The following MARK1 variants were observed in gnomAD, a reference collection of about 807,000 sequenced individuals.
The protein encoded by MARK1 is microtubule affinity regulating kinase 1.
In MARK1, 40 loss-of-function variants were observed where a neutral mutation model predicts 96.3. That is an observed-to-expected ratio of 0.42 (90% CI 0.32 to 0.54). MARK1 has a LOEUF of 0.54. Ranked by LOEUF, MARK1 falls within the 20% of genes least tolerant of loss-of-function variation. MARK1 has a pLI of 0.16. For missense variants in MARK1, 719 were observed against 984.6 expected (o/e 0.73, Z 3.61); for synonymous variants, 317 against 341.2 (o/e 0.93, Z 0.78).
intron 6 of MARK1, among the ~76,000 whole-genome samples, chr1:220,615,537 T>C (rs190970006): frequency 6.6e-6 from 1 of 152,312 alleles, no homozygotes; most frequent in Non-Finnish European, 1.5e-5. Context: ...AATAGAGTTT[T>C]GCTTTTTTAA....
chr1:220,547,419 T>C (rs1661576472), intron 1 of MARK1, among the ~76,000 whole-genome samples: 2 of 152,256 alleles, frequency 1.3e-5, no homozygotes, highest in Non-Finnish European at 2.9e-5. Flanking sequence ...CCTTCTACCT[T>C]CCTCTCCAGG....
rs553644285 is a variant in MARK1, at chr1:220,560,978, A to G, written c.52-18376A>G. Among the ~76,000 whole-genome samples, 105 of 152,216 alleles carry G rather than the reference A, an allele frequency of 6.9e-4. 1 individual carries two copies. The highest frequency in any genetic ancestry group is 1.0e-3 in the Non-Finnish European group (70 of 67,998). On this transcript the variant is annotated intron_variant, in intron 1 of 17. Coordinates refer to ENST00000366917, the MANE Select transcript of MARK1 (RefSeq NM_018650.5). ...GTTGAGCTTTCAGGTGCAGATGTAG[A>G]GTAGGGAGTGGTTGGGTTTTGGAAT... is the stretch of plus-strand genomic sequence containing the variant.
At chr1:220,648,222 C>T (rs556454157) in intron 13 of MARK1, among the ~76,000 whole-genome samples, 2 of 152,034 alleles carry the variant, frequency 1.3e-5, no homozygotes, top group Admixed American at 1.3e-4. Context: ...GAAAGAACCC[C>T]CAAAAAGTTG....
chr1:220,528,758 C>G lies in MARK1; in HGVS notation c.-65C>G. On this transcript the variant is annotated 5_prime_UTR_variant, in exon 1 of 18. Transcript: ENST00000366917. ...TCGCGTCCGCACCCCTTTCCTGTCG[C>G]CCCCCGGGGCCCGCACCACAGCCCG... 1 of 1,475,600 alleles carries G rather than the reference C, an allele frequency of 6.8e-7. No homozygotes were observed. Among genetic ancestry groups the G allele is most frequent in the Non-Finnish European group, 9.2e-7 (1 of 1,090,052 alleles). 91.4% of individuals were successfully genotyped at this position (1,475,600 alleles called of 1,614,324 possible).
intron 6 of MARK1, among the ~76,000 whole-genome samples, chr1:220,613,002 C>G (rs193113144): frequency 6.6e-6 from 1 of 152,066 alleles, no homozygotes. Context: ...GCAAAGTAAC[C>G]GTGATAACTC....
At chr1:220,595,682 A>G (rs151158977) in intron 3 of MARK1, among the ~76,000 whole-genome samples, 1 of 152,316 alleles carries the variant, frequency 6.6e-6, no homozygotes, top group African/African-American at 2.4e-5. Flanking sequence ...CCACCAGTGG[A>G]TGTTAAGTAG....
At chr1:220,569,136 A>G (rs1022384893) in intron 1 of MARK1, among the ~76,000 whole-genome samples, 2 of 152,120 alleles carry the variant, frequency 1.3e-5, no homozygotes, top group East Asian at 1.9e-4. Context: ...TTTATATTTC[A>G]CTTATGATTT....
chr1:220,617,115 C>T (rs536673082), intron 7 of MARK1, among the ~76,000 whole-genome samples: 1 of 152,134 alleles, frequency 6.6e-6, no homozygotes, highest in East Asian at 1.9e-4. Flanking sequence ...CAGCCCCTTA[C>T]ATCAGAACAT....
Position 220,657,794 on chromosome 1 carries a change from C to T in MARK1, c.1993C>T (p.Pro665Ser). 6.3e-7 allele frequency: 1 copy of T among 1,576,932 alleles called. No individual in the cohort carries two copies. The highest frequency in any genetic ancestry group is 1.9e-5 in the Admixed American group (1 of 51,950). ...CAACCTTCACTTTGTTTTGAGGGAT[C>T]CAAGTGAAGGCGAAGCCAGTGGCAG... ...KITSKFVRRD[P>S]SEGEASGRTD... Residue 665 changes from proline to serine, a missense_variant, in exon 17 of 18, where the codon CCA becomes TCA. Physicochemically the swap from Pro to Ser is moderately conservative, Grantham distance 74. Transcript: ENST00000366917.
intron 1 of MARK1, among the ~76,000 whole-genome samples, chr1:220,529,893 C>CTCT (rs902156391): frequency 3.9e-5 from 6 of 152,120 alleles, no homozygotes; most frequent in Non-Finnish European, 8.8e-5. Flanking sequence ...TTTTAAGGAC[C>CTCT]TAGAGGGGTA....
chr1:220,553,354 A>G (rs1662009382), intron 1 of MARK1, among the ~76,000 whole-genome samples: 3 of 152,158 alleles, frequency 2.0e-5, no homozygotes, highest in Admixed American at 6.5e-5. Context: ...TGCTCCATCT[A>G]CTTATGGGTG....
chr1:220,655,999 C>G (rs974155653), intron 16 of MARK1, among the ~76,000 whole-genome samples: 1 of 152,196 alleles, frequency 6.6e-6, no homozygotes. Context: ...ATTCTCTGCC[C>G]TGAATACCTG....
intron 9 of MARK1, among the ~76,000 whole-genome samples, chr1:220,621,621 G>A (rs1193030): frequency 0.98 from 149,129 of 152,148 alleles, 73,157 homozygotes; most frequent in East Asian, 1. Flanking sequence ...AATAAGCCTC[G>A]TAGATTTGTA....
chr1:220,530,123 A>G (rs574629582), intron 1 of MARK1, among the ~76,000 whole-genome samples: 26 of 152,366 alleles, frequency 1.7e-4, no homozygotes, highest in African/African-American at 6.0e-4. Flanking sequence ...ACAGAAATTT[A>G]ATATAACTAT....
At chr1:220,612,399 ATCATCT>A (rs1666501739) in intron 6 of MARK1, among the ~76,000 whole-genome samples, 1 of 152,212 alleles carries the variant, frequency 6.6e-6, no homozygotes, top group Non-Finnish European at 1.5e-5. Context: ...ATATTTTGAA[ATCATCT>A]TCATATTCTT....
chr1:220,618,477 G>GTGGAGAC lies in MARK1; in HGVS notation c.725_726insACTGGAG (p.Ser242ArgfsTer46). 6.2e-7 allele frequency: 1 copy of GTGGAGAC among 1,614,196 alleles called. No individual in the cohort carries two copies. Among genetic ancestry groups the GTGGAGAC allele is most frequent in the Non-Finnish European group, 8.5e-7 (1 of 1,180,028 alleles). On this transcript the variant is annotated frameshift_variant, in exon 8 of 18. Coordinates refer to ENST00000366917, the MANE Select transcript of MARK1 (RefSeq NM_018650.5). LOFTEE classifies it high-confidence loss of function. This position sits in a 1 kb window ranked among gnomAD's most constrained non-coding sequence, Gnocchi z 4.6. Reference sequence around the variant, plus strand: ...AGTATGATGGGCCTGAAGTGGATGTGTGGAGTCTGGGCGTCATTCTCTATA... The same window carrying GTGGAGAC: ...AGTATGATGGGCCTGAAGTGGATGTGTGGAGACTGGAGTCTGGGCGTCATTCTCTATA...
At chr1:220,629,352 C>CT (rs77070158) in intron 9 of MARK1, among the ~76,000 whole-genome samples, 4,006 of 134,418 alleles carry the variant, frequency 0.03, 87 homozygotes, top group South Asian at 0.077. Flanking sequence ...ACAAGATTGC[C>CT]TTTTTTTTTT....
rs187348184 is a variant in MARK1, at chr1:220,590,916, A to G, written c.310-7415A>G. Among the ~76,000 whole-genome samples the G allele has an allele frequency of 3.2e-3, 493 of 152,230 alleles. 2 individuals are homozygous for G. The highest frequency in any genetic ancestry group is 5.8e-3 in the Non-Finnish European group (394 of 68,008). ...GACATCTTTGAGATATAGGAACCCA[A>G]TGGCTGTGTATTGTTGTTTTATTGG... On this transcript the variant is annotated intron_variant, in intron 3 of 17. Coordinates refer to ENST00000366917, the MANE Select transcript of MARK1 (RefSeq NM_018650.5).
intron 1 of MARK1, among the ~76,000 whole-genome samples, chr1:220,538,016 A>G (rs1441345591): frequency 6.6e-6 from 1 of 152,054 alleles, no homozygotes; most frequent in Non-Finnish European, 1.5e-5. Flanking sequence ...GGTTGTGAAA[A>G]TTTTGTAGGT....
Sources: gnomAD v4.1 joint callset for allele counts (sites outside exome capture counted in the v4.1 genomes callset) on GRCh38, gnomAD v4.1.1 for gene constraint, Gnocchi (gnomAD v3.1) non-coding constraint, MANE v1.5 for transcripts, NCBI Gene and HGNC (gene_info 2026-07-23, HGNC 2026-07-21) for gene names.